The following UGT8 variants were observed in gnomAD, a reference collection of about 807,000 sequenced individuals.
The protein encoded by UGT8 is UDP glycosyltransferase 8.
Under a neutral mutation model 40.5 loss-of-function variants are expected in UGT8, and 12 were observed. The ratio of observed to expected loss-of-function variants is 0.30; its 90% CI spans 0.19 to 0.48. The LOEUF (loss-of-function observed/expected upper bound fraction) is 0.48, where lower values mean the gene tolerates loss of function less well. Ranked by LOEUF, UGT8 falls within the 20% of genes least tolerant of loss-of-function variation. The pLI, the probability that UGT8 is intolerant of heterozygous loss-of-function variation, is 0.99. For synonymous variants in UGT8, 224 were observed against 240.4 expected, an observed-to-expected ratio of 0.93 and a Z score of 0.63; for missense variants, 513 against 648.7, an observed-to-expected ratio of 0.79 and a Z score of 2.27.
intron 5 of UGT8, among the ~76,000 whole-genome samples, chr4:114,674,013 G>GT (rs985604251): frequency 1.1e-4 from 17 of 152,114 alleles, no homozygotes; most frequent in Non-Finnish European, 2.4e-4. Flanking sequence ...GCCTTCATTT[G>GT]TTTTTTCTCT....
intron 5 of UGT8, 149 bp from the exon 6 acceptor site, chr4:114,675,776 T>C (rs1735599304): frequency 4.1e-6 from 3 of 723,424 alleles, no homozygotes; most frequent in Non-Finnish European, 6.0e-6. Context: ...AGATAATGTG[T>C]TTAAAGCACT....
intron 2 of UGT8, among the ~76,000 whole-genome samples, chr4:114,646,379 C>T (rs1335331467): frequency 6.6e-6 from 1 of 151,496 alleles, no homozygotes; most frequent in African/African-American, 2.4e-5. Context: ...ATATCTATAT[C>T]TATATCTATA....
chr4:114,603,725 G>A (rs1295600389), intron 1 of UGT8, among the ~76,000 whole-genome samples: 1 of 152,022 alleles, frequency 6.6e-6, no homozygotes, highest in African/African-American at 2.4e-5. Flanking sequence ...GCAAATGAGG[G>A]GAGAAGCACC....
rs142848507 is a variant in UGT8, at chr4:114,613,683, T to C, written c.-2-9196T>C. ...CCTGTATTTCTCTTATGCACATAAG[T>C]AACGAGTGCTAGATCCCTATCTGTC... is the stretch of plus-strand genomic sequence containing the variant. On this transcript the variant is annotated intron_variant, in intron 1 of 5. Transcript: ENST00000310836. Among the ~76,000 whole-genome samples, 394 of 152,274 alleles carry C rather than the reference T, an allele frequency of 2.6e-3. 1 individual carries two copies. Among genetic ancestry groups the C allele is most frequent in the African/African-American group, 9.3e-3 (387 of 41,572 alleles).
intron 2 of UGT8, among the ~76,000 whole-genome samples, chr4:114,626,125 T>C (rs561011834): frequency 6.6e-6 from 1 of 152,244 alleles, no homozygotes; most frequent in South Asian, 2.1e-4. Context: ...GAGCAGGGAG[T>C]ATTTTGAAGA....
intron 2 of UGT8, among the ~76,000 whole-genome samples, chr4:114,654,464 A>G (rs931167113): frequency 2.0e-5 from 3 of 152,040 alleles, no homozygotes; most frequent in African/African-American, 7.2e-5. Flanking sequence ...ATAGTTGAGG[A>G]ATTCAGACAG....
At chr4:114,660,710 G>A (rs190005421) in intron 2 of UGT8, among the ~76,000 whole-genome samples, 95 of 152,038 alleles carry the variant, frequency 6.2e-4, no homozygotes, top group Admixed American at 1.8e-3. Flanking sequence ...GGCTAACACG[G>A]TGAAACCCCA....
chr4:114,668,353 TATTGTCAGTAGCCAATTATTTTCAATAG>T, intron 5 of UGT8, 49 bp downstream of exon 5: 3 of 1,456,664 alleles, frequency 2.1e-6, no homozygotes, highest in Non-Finnish European at 9.6e-7. Context: ...TACCACAGTA[TATTGTCAGTAGCCAATTATTTTCAATAG>T]ATTGTCAATA....
intron 2 of UGT8, among the ~76,000 whole-genome samples, chr4:114,657,688 C>CT (rs913767645): frequency 9.6e-4 from 141 of 146,502 alleles, no homozygotes; most frequent in African/African-American, 3.0e-3. Flanking sequence ...GCAGAATGAC[C>CT]TTTTTTTTTT....
At chr4:114,624,713 A>G (rs1377548439) in intron 2 of UGT8, among the ~76,000 whole-genome samples, 1 of 152,196 alleles carries the variant, frequency 6.6e-6, no homozygotes, top group Admixed American at 6.5e-5. Context: ...TGAGGCAATA[A>G]GGTGATTAGA....
chr4:114,649,065 C>G (rs1156767056), intron 2 of UGT8, among the ~76,000 whole-genome samples: 2 of 152,130 alleles, frequency 1.3e-5, no homozygotes, highest in African/African-American at 4.8e-5. Context: ...ATGATTTTAG[C>G]TTTTCTTTAA....
intron 4 of UGT8, among the ~76,000 whole-genome samples, chr4:114,666,100 A>C (rs1734852455): frequency 1.3e-5 from 2 of 152,156 alleles, no homozygotes; most frequent in South Asian, 4.1e-4. Context: ...ATCAGATGAA[A>C]GTAGAACAGT....
intron 2 of UGT8, among the ~76,000 whole-genome samples, chr4:114,637,325 G>C (rs569039027): frequency 1.9e-4 from 29 of 152,270 alleles, no homozygotes; most frequent in Admixed American, 3.9e-4. Flanking sequence ...TTTCTGATTT[G>C]AGAATAAAAT....
At chr4:114,635,649 T>C (rs1732843944) in intron 2 of UGT8, among the ~76,000 whole-genome samples, 4 of 152,200 alleles carry the variant, frequency 2.6e-5, no homozygotes, top group African/African-American at 9.6e-5. Flanking sequence ...TTCAAGCTTT[T>C]GCAAATTTAT....
Position 114,676,257 on chromosome 4 carries a change from G to C in UGT8, c.1595G>C (p.Gly532Ala). 1 of 1,598,996 alleles carries C rather than the reference G, an allele frequency of 6.3e-7. No homozygotes were observed. Among genetic ancestry groups the C allele is most frequent in the Non-Finnish European group, 8.5e-7 (1 of 1,172,560 alleles). Residue 532 changes from glycine to alanine, a missense_variant, in exon 6 of 6, where the codon GGC (glycine) becomes GCC (alanine). Gly to Ala is a moderately conservative substitution (Grantham distance 60, BLOSUM62 0). Transcript: ENST00000310836. ...CTCAATGGCAAGTACAAAAGAAATGGCCATATTAAACATGAAAAGAAAGTG... is the reference window on the plus strand; with the variant it reads ...CTCAATGGCAAGTACAAAAGAAATGCCCATATTAAACATGAAAAGAAAGTG... ...GILNGKYKRN[G>A]HIKHEKKVK
Position 114,675,934 on chromosome 4 carries a change from G to T in UGT8, c.1272G>T (p.Gln424His). 6.2e-7 allele frequency: 1 copy of T among 1,611,880 alleles called. No homozygotes were observed. Among genetic ancestry groups the T allele is most frequent in the Non-Finnish European group, 8.5e-7 (1 of 1,178,434 alleles). ...TGTCCCCTCTCCATAGCTACCGTCA[G>T]AGGGCTCAGAAGCTTTCGGAAATTC... Reference protein sequence around the residue: ...VKVINNPSYRQRAQKLSEIHK... With the variant: ...VKVINNPSYRHRAQKLSEIHK... Residue 424 changes from glutamine (Q) to histidine (H), a missense_variant, in exon 6 of 6, where the codon CAG becomes CAT. Coordinates refer to ENST00000310836, the MANE Select transcript of UGT8 (RefSeq NM_001128174.3).
intron 2 of UGT8, among the ~76,000 whole-genome samples, chr4:114,630,921 CTG>C (rs2126105207): frequency 6.6e-6 from 1 of 152,182 alleles, no homozygotes; most frequent in African/African-American, 2.4e-5. Context: ...TCTCCTGACT[CTG>C]TGATTCTCAT....
chr4:114,668,359 CAGT>C, intron 5 of UGT8, 55 bp downstream of exon 5: 1 of 1,399,068 alleles, frequency 7.1e-7, no homozygotes, highest in South Asian at 1.2e-5. Flanking sequence ...AGTATATTGT[CAGT>C]AGCCAATTAT....
chr4:114,649,362 ATTC>A (rs1235703634), intron 2 of UGT8, among the ~76,000 whole-genome samples: 1 of 152,198 alleles, frequency 6.6e-6, no homozygotes, highest in Non-Finnish European at 1.5e-5. Context: ...CCTGTTTTGT[ATTC>A]TTCTTTGTGG....
Sources: allele counts gnomAD v4.1 joint callset (sites outside exome capture counted in the v4.1 genomes callset), GRCh38; gene constraint gnomAD v4.1.1; transcripts MANE v1.5; gene names NCBI Gene and HGNC (gene_info 2026-07-23, HGNC 2026-07-21).